CSMD1: variants seen among roughly 807,000 people sequenced by gnomAD.
CSMD1 encodes the protein CUB and Sushi multiple domains 1.
In CSMD1, 213 loss-of-function variants were observed where a neutral mutation model predicts 417.5. The ratio of observed to expected loss-of-function variants is 0.51; its 90% CI spans 0.46 to 0.57. CSMD1 has a LOEUF of 0.57. Among genes scored for constraint, CSMD1 ranks in the 20% least tolerant of loss-of-function variants. The probability of loss-of-function intolerance (pLI) is 0.00; values close to 1 mark genes in which losing one functional copy is unlikely to be tolerated. For synonymous variants in CSMD1, 2,862 were observed against 1,736.8 expected, an observed-to-expected ratio of 1.65 and a Z score of -16.11; for missense variants, 6,923 against 4,529.7, an observed-to-expected ratio of 1.53 and a Z score of -15.17.
intron 41 of CSMD1, among the ~76,000 whole-genome samples, chr8:3,141,455 C>T (rs1334416232): frequency 6.6e-6 from 1 of 152,160 alleles, no homozygotes; most frequent in Non-Finnish European, 1.5e-5. Flanking sequence ...CCCTTCTTGC[C>T]TGGGGACCAG....
chr8:3,415,996 T>A (rs189192387), intron 12 of CSMD1, among the ~76,000 whole-genome samples: 1 of 152,272 alleles, frequency 6.6e-6, no homozygotes, highest in East Asian at 1.9e-4. Context: ...CACTTGTCAA[T>A]TCTTTTTAAA....
intron 25 of CSMD1, among the ~76,000 whole-genome samples, chr8:3,302,976 C>T (rs915190591): frequency 1.3e-5 from 2 of 152,094 alleles, no homozygotes; most frequent in Admixed American, 1.3e-4. Flanking sequence ...CTCCCAGAGC[C>T]CCAGGTTAAA....
At chr8:3,510,871 ATTTG>A (rs1419526933) in intron 10 of CSMD1, among the ~76,000 whole-genome samples, 6 of 151,660 alleles carry the variant, frequency 4.0e-5, no homozygotes, top group African/African-American at 1.5e-4. Flanking sequence ...TTCCTTGTAA[ATTTG>A]TTTAAGTTCC....
intron 5 of CSMD1, among the ~76,000 whole-genome samples, chr8:3,821,745 G>C (rs1041885235): frequency 6.6e-6 from 1 of 152,142 alleles, no homozygotes; most frequent in South Asian, 2.1e-4. Flanking sequence ...TCGCACCACT[G>C]CACTCCAGCC....
chr8:4,311,195 C>T (rs1350219961), intron 3 of CSMD1, among the ~76,000 whole-genome samples: 1 of 152,136 alleles, frequency 6.6e-6, no homozygotes, highest in East Asian at 1.9e-4. Flanking sequence ...AAGACACATG[C>T]ACGTGAATGT....
chr8:4,066,269 T>C (rs1338411816), intron 3 of CSMD1, among the ~76,000 whole-genome samples: 1 of 152,158 alleles, frequency 6.6e-6, no homozygotes, highest in Non-Finnish European at 1.5e-5. Flanking sequence ...CTCTGAGGTA[T>C]CCCTTCTTTC....
Position 4,845,007 on chromosome 8 carries a change from T to A in CSMD1, c.85+149325A>T, listed in dbSNP as rs115745621. 2.2e-3 allele frequency among the ~76,000 whole-genome samples: 331 copies of A among 152,300 alleles called. 5 individuals are homozygous for A. Among genetic ancestry groups the A allele is most frequent in the African/African-American group, 7.7e-3 (319 of 41,574 alleles). On this transcript the variant is annotated intron_variant, in intron 1 of 69. Transcript: ENST00000635120. ...TAGCATTTTAAAAATCATTTTCACA[T>A]AATACTTAGCATTTTACATGCATAT...
At chr8:4,311,433 G>C (rs1015151823) in intron 3 of CSMD1, among the ~76,000 whole-genome samples, 2 of 152,104 alleles carry the variant, frequency 1.3e-5, no homozygotes, top group African/African-American at 2.4e-5. Context: ...CTTATGAGTG[G>C]AATCTAAGTC....
intron 3 of CSMD1, among the ~76,000 whole-genome samples, chr8:4,229,451 A>G: frequency 6.6e-6 from 1 of 152,226 alleles, no homozygotes; most frequent in East Asian, 1.9e-4. Context: ...AACCTTACAG[A>G]AGACCCACAA....
At chr8:3,392,702 G>C (rs1488116513) in intron 17 of CSMD1, among the ~76,000 whole-genome samples, 1 of 152,034 alleles carries the variant, frequency 6.6e-6, no homozygotes, top group Non-Finnish European at 1.5e-5. Flanking sequence ...ACAATATTTG[G>C]AATCTGGGCT....
intron 2 of CSMD1, among the ~76,000 whole-genome samples, chr8:4,495,970 G>A (rs1006506999): frequency 3.3e-4 from 50 of 152,164 alleles, no homozygotes; most frequent in Non-Finnish European, 1.3e-4. Flanking sequence ...ACTCCAAAGT[G>A]CAAATAGTCT....
At chr8:3,269,153 G>A (rs974139635) in intron 26 of CSMD1, among the ~76,000 whole-genome samples, 6 of 152,196 alleles carry the variant, frequency 3.9e-5, no homozygotes, top group Non-Finnish European at 7.3e-5. Context: ...AATTCAACAC[G>A]CATTCTTCGT....
At position 4,733,351 on chromosome 8, in the gene CSMD1, C is replaced by A. The variant is rs138758061; in HGVS notation, c.86-95793G>T. The stretch of plus-strand genomic sequence containing the variant: ...GCCATGCCAATGACCCTAACTCTAA[C>A]AAGAGCCTTTTACCCTAGCAGGTTA... On this transcript the variant is annotated intron_variant, in intron 1 of 69. Coordinates refer to ENST00000635120, the MANE Select transcript of CSMD1 (RefSeq NM_033225.6). Among the ~76,000 whole-genome samples, 416 of 152,308 alleles carry A rather than the reference C, an allele frequency of 2.7e-3. 3 individuals are homozygous for A. Among genetic ancestry groups the A allele is most frequent in the African/African-American group, 9.6e-3 (399 of 41,568 alleles).
chr8:4,036,981 G>C (rs1393785709), intron 3 of CSMD1, among the ~76,000 whole-genome samples: 6 of 151,726 alleles, frequency 4.0e-5, no homozygotes, highest in South Asian at 2.1e-4. Flanking sequence ...GTGTGTGTGT[G>C]TGTGTGTGTG....
chr8:3,247,897 C>G (rs554447957), intron 26 of CSMD1, among the ~76,000 whole-genome samples: 5 of 152,334 alleles, frequency 3.3e-5, no homozygotes, highest in African/African-American at 9.6e-5. Flanking sequence ...CATGCATTTT[C>G]ATAGTTCCAG....
At chr8:4,550,329 GCACACACA>G (rs35196172) in intron 2 of CSMD1, among the ~76,000 whole-genome samples, 3 of 139,622 alleles carry the variant, frequency 2.1e-5, no homozygotes, top group African/African-American at 5.3e-5. Context: ...ATACACACAC[GCACACACA>G]CACACACACA....
chr8:2,987,679 G>A (rs140260259), intron 54 of CSMD1, among the ~76,000 whole-genome samples: 2 of 152,222 alleles, frequency 1.3e-5, no homozygotes, highest in African/African-American at 4.8e-5. Context: ...CCCATAAGAG[G>A]GGCCTTCCCT....
At chr8:3,182,106 C>T (rs552189433) in intron 36 of CSMD1, among the ~76,000 whole-genome samples, 4 of 151,968 alleles carry the variant, frequency 2.6e-5, no homozygotes, top group Non-Finnish European at 4.4e-5. Context: ...TATTCAAGTA[C>T]TGCTGTATAA....
chr8:4,367,826 A>C (rs145788324), intron 3 of CSMD1, among the ~76,000 whole-genome samples: 1 of 152,058 alleles, frequency 6.6e-6, no homozygotes, highest in Non-Finnish European at 1.5e-5. Flanking sequence ...GCTATTTTTA[A>C]ATAGGATTGT....
Sources: allele counts gnomAD v4.1 joint callset (sites outside exome capture counted in the v4.1 genomes callset), GRCh38; gene constraint gnomAD v4.1.1; transcripts MANE v1.5; gene names NCBI Gene and HGNC (gene_info 2026-07-23, HGNC 2026-07-21).